Variants in TBC1D4 observed in about 807,000 individuals in gnomAD.
TBC1D4 encodes the protein TBC1 domain family member 4, also known as TBC (Tre-2, BUB2, CDC16) domain-containing protein.
Under a neutral mutation model 142.5 loss-of-function variants are expected in TBC1D4, and 121 were observed. The observed-to-expected ratio is 0.85, with a 90% CI of 0.73 to 0.99. The LOEUF (loss-of-function observed/expected upper bound fraction) is 0.99. Ranked by LOEUF, TBC1D4 falls within the 50% of genes least tolerant of loss-of-function variation. The pLI is 0.00. For synonymous variants in TBC1D4, 630 were observed against 628.2 expected, an observed-to-expected ratio of 1.00 and a Z score of -0.04; for missense variants, 1,475 against 1,606.6, an observed-to-expected ratio of 0.92 and a Z score of 1.40.
intron 8 of TBC1D4, among the ~76,000 whole-genome samples, chr13:75,331,639 A>T (rs1250147505): frequency 6.6e-6 from 1 of 152,040 alleles, no homozygotes; most frequent in African/African-American, 2.4e-5. Context: ...CTACATTGTG[A>T]TTTGCTAATT....
At chr13:75,425,395 G>C (rs1376800072) in intron 1 of TBC1D4, among the ~76,000 whole-genome samples, 1 of 152,134 alleles carries the variant, frequency 6.6e-6, no homozygotes, top group Non-Finnish European at 1.5e-5. Flanking sequence ...AATTAGTATG[G>C]TCATAATGGA....
At chr13:75,412,750 G>C (rs1337954480) in intron 1 of TBC1D4, among the ~76,000 whole-genome samples, 4 of 152,198 alleles carry the variant, frequency 2.6e-5, no homozygotes, top group Non-Finnish European at 4.4e-5. Context: ...AAATTTGGAA[G>C]TTTATTTTAA....
At chr13:75,391,739 T>C (rs1176418825) in intron 1 of TBC1D4, among the ~76,000 whole-genome samples, 1 of 152,170 alleles carries the variant, frequency 6.6e-6, no homozygotes, top group Non-Finnish European at 1.5e-5. Context: ...TACAAGACCC[T>C]GCACCATCTG....
chr13:75,390,656 C>G (rs1180798096), intron 1 of TBC1D4, among the ~76,000 whole-genome samples: 1 of 151,988 alleles, frequency 6.6e-6, no homozygotes, highest in Non-Finnish European at 1.5e-5. Flanking sequence ...ATGATGGAAG[C>G]TTAAGGATGC....
At position 75,362,316 on chromosome 13, in the gene TBC1D4, C is replaced by T. The variant is rs769815689; in HGVS notation, c.790G>A (p.Gly264Arg). 5 of 1,613,862 alleles carry T rather than the reference C, an allele frequency of 3.1e-6. No homozygotes were observed. The African/African-American group carries it at 5.3e-5, about 17-fold the overall frequency. The stretch of plus-strand genomic sequence containing the variant: ...TCAGCCTCCTCCGGCAGGCAGTCTC[C>T]GGGGGACCCGGGCACCACCACCTCC... ...DLEVVVPGSP[G>R]DCLPEEADGT... Residue 264 changes from glycine (G) to arginine (R), a missense_variant, in exon 2 of 21, where the codon GGA (glycine) becomes AGA (arginine). Physicochemically the swap from Gly to Arg is moderately radical, Grantham distance 125. This residue lies in a region of TBC1D4 where 1,227 missense variants were observed against 1,267.7 expected (regional missense o/e 0.97). Transcript: ENST00000377636. The surrounding 1 kb of genome is among the most constrained non-coding windows in gnomAD (Gnocchi z 4.2).
chr13:75,293,228 G>A (rs1875529468), intron 18 of TBC1D4, among the ~76,000 whole-genome samples: 1 of 152,168 alleles, frequency 6.6e-6, no homozygotes, highest in Non-Finnish European at 1.5e-5. Context: ...CTCAATCTAT[G>A]TCATTCTTTA....
chr13:75,446,002 C>G (rs1399293519), intron 1 of TBC1D4, among the ~76,000 whole-genome samples: 3 of 152,160 alleles, frequency 2.0e-5, no homozygotes, highest in African/African-American at 7.2e-5. Context: ...GCTCCAGAAC[C>G]AGGCTGGTTT....
intron 1 of TBC1D4, among the ~76,000 whole-genome samples, chr13:75,373,714 T>C (rs750551237): frequency 2.0e-5 from 3 of 152,204 alleles, no homozygotes; most frequent in Non-Finnish European, 4.4e-5. Flanking sequence ...CAAGACTGCC[T>C]TTCTGGCCCT....
rs9573551 is a variant in TBC1D4 at position 75,463,577 on chromosome 13, G to A, written c.498+17693C>T. ...ATGTGCAATCAAATTGAAAAACACT[G>A]ATATATCACCCTTCCTACCTGCCCC... On this transcript the variant is annotated intron_variant, in intron 1 of 20. Transcript: ENST00000377636. 5.6e-3 allele frequency among the ~76,000 whole-genome samples: 850 copies of A among 152,232 alleles called. 26 individuals are homozygous for A. In the East Asian group the frequency reaches 0.067, roughly 12 times the overall value.
At chr13:75,377,893 C>T (rs920117023) in intron 1 of TBC1D4, among the ~76,000 whole-genome samples, 4 of 151,618 alleles carry the variant, frequency 2.6e-5, no homozygotes, top group Admixed American at 6.6e-5. Flanking sequence ...AAGTAGCATA[C>T]AATTATATAT....
chr13:75,389,106 A>C (rs546763106), intron 1 of TBC1D4, among the ~76,000 whole-genome samples: 2 of 152,256 alleles, frequency 1.3e-5, no homozygotes, highest in African/African-American at 4.8e-5. Flanking sequence ...ATTGCTGCCC[A>C]TCATCTATTC....
intron 2 of TBC1D4, among the ~76,000 whole-genome samples, chr13:75,360,314 T>A (rs1418313770): frequency 2.6e-5 from 4 of 152,094 alleles, no homozygotes; most frequent in Non-Finnish European, 4.4e-5. Context: ...GGACTGTGAC[T>A]AACTAAAAAA....
chr13:75,465,401 G>A (rs1888126420), intron 1 of TBC1D4, among the ~76,000 whole-genome samples: 1 of 152,230 alleles, frequency 6.6e-6, no homozygotes, highest in African/African-American at 2.4e-5. Context: ...TTGAGGGAAT[G>A]AGCAAGTGAA....
chr13:75,467,684 T>C (rs1314512320), intron 1 of TBC1D4, among the ~76,000 whole-genome samples: 1 of 152,198 alleles, frequency 6.6e-6, no homozygotes, highest in African/African-American at 2.4e-5. Context: ...TATCTTTCCT[T>C]GTGTAGTTTT....
At chr13:75,371,803 G>A (rs1883237757) in intron 1 of TBC1D4, among the ~76,000 whole-genome samples, 1 of 152,044 alleles carries the variant, frequency 6.6e-6, no homozygotes, top group Non-Finnish European at 1.5e-5. Flanking sequence ...GGAGAAACTG[G>A]GAGCTCTCCT....
At chr13:75,436,594 C>T (rs966884951) in intron 1 of TBC1D4, among the ~76,000 whole-genome samples, 1 of 151,546 alleles carries the variant, frequency 6.6e-6, no homozygotes, top group Admixed American at 6.6e-5. Flanking sequence ...GAGGCTGAGG[C>T]TGCAAAGAGC....
At chr13:75,421,818 C>T (rs1443730962) in intron 1 of TBC1D4, among the ~76,000 whole-genome samples, 1 of 152,156 alleles carries the variant, frequency 6.6e-6, no homozygotes, top group African/African-American at 2.4e-5. Context: ...ATAAAAAATA[C>T]TGACTTTAAA....
chr13:75,381,023 C>T (rs1188978840), intron 1 of TBC1D4, among the ~76,000 whole-genome samples: 1 of 152,156 alleles, frequency 6.6e-6, no homozygotes, highest in African/African-American at 2.4e-5. Flanking sequence ...CTCTTAACTT[C>T]AGTATCATCC....
chr13:75,418,848 G>C (rs758472696), intron 1 of TBC1D4, among the ~76,000 whole-genome samples: 1 of 152,042 alleles, frequency 6.6e-6, no homozygotes, highest in South Asian at 2.1e-4. Flanking sequence ...TGCAACCTCC[G>C]CAAAATAAAC....
Sources: allele counts gnomAD v4.1 joint callset (sites outside exome capture counted in the v4.1 genomes callset), GRCh38; gene constraint gnomAD v4.1.1; regional missense constraint gnomAD v4.1.1; non-coding constraint Gnocchi (gnomAD v3.1); transcripts MANE v1.5; gene names NCBI Gene and HGNC (gene_info 2026-07-23, HGNC 2026-07-21).